ECT2: variants seen among roughly 807,000 people sequenced by gnomAD.
The protein encoded by ECT2 is epithelial cell transforming 2, also known as protein ECT2.
In ECT2, 61 loss-of-function variants were observed where a neutral mutation model predicts 116.9. The ratio of observed to expected loss-of-function variants is 0.52; its 90% CI spans 0.42 to 0.65. ECT2 has a LOEUF of 0.65. Ranked by LOEUF, ECT2 falls within the 30% of genes least tolerant of loss-of-function variation. ECT2 has a pLI of 0.00. For synonymous variants in ECT2, 358 were observed against 346.4 expected, an observed-to-expected ratio of 1.03 and a Z score of -0.37; for missense variants, 937 against 1,078.7, an observed-to-expected ratio of 0.87 and a Z score of 1.84.
At chr3:172,767,224 C>G (rs1196824626) in intron 12 of ECT2, among the ~76,000 whole-genome samples, 1 of 152,124 alleles carries the variant, frequency 6.6e-6, no homozygotes, top group South Asian at 2.1e-4. Flanking sequence ...GGGCAGATCA[C>G]GAGTTCAGGA....
intron 22 of ECT2, among the ~76,000 whole-genome samples, chr3:172,809,561 G>A (rs1041756482): frequency 4.5e-5 from 5 of 111,050 alleles, no homozygotes; most frequent in Non-Finnish European, 7.7e-5. Context: ...TAATGTGTGT[G>A]TATATCTACA....
chr3:172,804,300 G>C (rs1727283073), intron 20 of ECT2, among the ~76,000 whole-genome samples: 1 of 152,106 alleles, frequency 6.6e-6, no homozygotes, highest in African/African-American at 2.4e-5. Context: ...GTTAAATGCA[G>C]AGTTTTGTTG....
At chr3:172,809,119 TA>T (rs927125355) in intron 22 of ECT2, among the ~76,000 whole-genome samples, 6 of 152,108 alleles carry the variant, frequency 3.9e-5, no homozygotes, top group Admixed American at 1.3e-4. Flanking sequence ...TATCCATATA[TA>T]AAATGGTTTT....
At chr3:172,762,591 A>C (rs757484043) in intron 9 of ECT2, 45 bp downstream of exon 9, 2 of 1,577,322 alleles carry the variant, frequency 1.3e-6, no homozygotes, top group Admixed American at 4.0e-5. Context: ...TTTAGTCCCT[A>C]GGCCTGCTTA....
chr3:172,791,431 C>T (rs930250826), intron 18 of ECT2, among the ~76,000 whole-genome samples: 1 of 152,198 alleles, frequency 6.6e-6, no homozygotes, highest in Non-Finnish European at 1.5e-5. Flanking sequence ...GCTGTTTTGT[C>T]TACACTGAAA....
Position 172,810,193 on chromosome 3 carries a change from C to T in ECT2, c.2400+2269C>T, listed in dbSNP as rs180775724. Among the ~76,000 whole-genome samples the T allele has an allele frequency of 1.4e-4, 22 of 152,242 alleles. No homozygotes were observed. The East Asian group carries it at 3.9e-3, about 27-fold the overall frequency. On this transcript the variant is annotated intron_variant, in intron 22 of 24. Coordinates refer to ENST00000392692, the MANE Select transcript of ECT2 (RefSeq NM_001258315.2). ...GTAAATTTAAGCAACGATAACCTTT[C>T]CCGAAGTTTGGTTAGTTTAAAAGTA...
intron 18 of ECT2, among the ~76,000 whole-genome samples, chr3:172,792,426 T>C (rs1029751672): frequency 6.8e-6 from 1 of 147,884 alleles, no homozygotes; most frequent in East Asian, 2.0e-4. Context: ...TCTATGATTT[T>C]ATGTACGTGG....
rs369628284 is a variant in ECT2 at position 172,760,253 on chromosome 3, A to T, written c.674A>T (p.Glu225Val). The change falls in exon 7 of 25, where the codon GAA becomes GTA. Residue 225 changes from glutamate (E) to valine (V), a missense_variant. Transcript: ENST00000392692. Reference sequence around the variant, plus strand: ...TTGGTGGCAAATTGTACACAAGGAGAAAAATTCAGGGTATGTAAACTTGGG... The same window carrying T: ...TTGGTGGCAAATTGTACACAAGGAGTAAAATTCAGGGTATGTAAACTTGGG... The part of the protein sequence containing the change: ...THLVANCTQG[E>V]KFRVAVSLGT... 8.7e-6 allele frequency: 14 copies of T among 1,608,128 alleles called. No individual in the cohort carries two copies. The highest frequency in any genetic ancestry group is 1.3e-5 in the African/African-American group (1 of 74,806).
At chr3:172,806,387 CT>C (rs1205403139) in intron 21 of ECT2, among the ~76,000 whole-genome samples, 4 of 152,056 alleles carry the variant, frequency 2.6e-5, no homozygotes, top group Non-Finnish European at 5.9e-5. Flanking sequence ...TTACTCTAAA[CT>C]TTGGTAGTGT....
intron 24 of ECT2, 72 bp downstream of exon 24, chr3:172,816,909 A>T: frequency 2.4e-6 from 3 of 1,250,388 alleles, no homozygotes; most frequent in Non-Finnish European, 3.2e-6. Context: ...AACTTCTAAA[A>T]ATTGGAAATA....
chr3:172,759,112 A>C, intron 6 of ECT2, 43 bp downstream of exon 6: 2 of 1,369,930 alleles, frequency 1.5e-6, no homozygotes, highest in Non-Finnish European at 2.0e-6. Context: ...TTTTACAGCA[A>C]AATAAATTAA....
At chr3:172,807,562 G>A (rs1728005569) in intron 21 of ECT2, 3 of 450,004 alleles carry the variant, frequency 6.7e-6, no homozygotes, top group South Asian at 6.6e-5. Context: ...ATCATCATTA[G>A]TTCCTTACGT....
intron 20 of ECT2, among the ~76,000 whole-genome samples, chr3:172,804,530 A>G (rs1254030697): frequency 6.6e-6 from 1 of 152,120 alleles, no homozygotes; most frequent in Non-Finnish European, 1.5e-5. Flanking sequence ...ATTTTCAATT[A>G]TATTTTATCT....
rs1419549065 is a variant in ECT2 at position 172,788,253 on chromosome 3, C to A, written c.1907+1679C>A. Among the ~76,000 whole-genome samples, 3 of 152,262 alleles carry A rather than the reference C, an allele frequency of 2.0e-5. No individual in the cohort carries two copies. In the East Asian group the frequency reaches 5.8e-4, roughly 29 times the overall value. On this transcript the variant is annotated intron_variant, in intron 18 of 24. Transcript: ENST00000392692. ...AATGACACAGCACCAGTTCACTAGT[C>A]CTTGCCATTTAAGCAAACTAAAAAA...
At chr3:172,785,829 T>C (rs4513476) in intron 17 of ECT2, among the ~76,000 whole-genome samples, 14,221 of 152,290 alleles carry the variant, frequency 0.093, 1,230 homozygotes, top group African/African-American at 0.22. Flanking sequence ...GAACAAACTT[T>C]AGGTTTCCAA....
At chr3:172,789,500 G>A (rs760061227) in intron 18 of ECT2, among the ~76,000 whole-genome samples, 12 of 152,068 alleles carry the variant, frequency 7.9e-5, no homozygotes, top group Non-Finnish European at 1.6e-4. Context: ...CACCACAGCC[G>A]GCCGGCACTT....
the ECT2 span, chr3:172,829,224 G>A: frequency 1.3e-5 from 4 of 317,614 alleles, no homozygotes; most frequent in African/African-American, 2.2e-5. Flanking sequence ...GCCAAAAATT[G>A]GTATCTTTAT....
chr3:172,792,433 G>A (rs1333155055), intron 18 of ECT2, among the ~76,000 whole-genome samples: 1 of 140,574 alleles, frequency 7.1e-6, no homozygotes, highest in Non-Finnish European at 1.5e-5. Context: ...TTTTATGTAC[G>A]TGGAGTCTTT....
intron 17 of ECT2, among the ~76,000 whole-genome samples, chr3:172,785,156 A>G (rs1354566407): frequency 1.3e-5 from 2 of 152,168 alleles, no homozygotes; most frequent in African/African-American, 4.8e-5. Flanking sequence ...ACTTTTTTGT[A>G]GCCCTTTTTT....
Sources: allele counts gnomAD v4.1 joint callset (sites outside exome capture counted in the v4.1 genomes callset), GRCh38; gene constraint gnomAD v4.1.1; transcripts MANE v1.5; gene names NCBI Gene and HGNC (gene_info 2026-07-23, HGNC 2026-07-21).